PAPOLA: variants seen among roughly 807,000 people sequenced by gnomAD.
PAPOLA encodes the protein poly(A) polymerase alpha.
Under a neutral mutation model 100.6 loss-of-function variants are expected in PAPOLA, and 15 were observed. The observed-to-expected ratio is 0.15, with a 90% CI of 0.10 to 0.23. The LOEUF is 0.23. PAPOLA is among the 10% of genes least tolerant of loss of function. The pLI is 1.00. For synonymous variants in PAPOLA, 293 were observed against 300.0 expected (o/e 0.98, Z 0.24); for missense variants, 533 against 884.2 (o/e 0.60, Z 5.04).
At chr14:96,562,344 A>G (rs1901922948) in intron 20 of PAPOLA, 1 of 152,796 alleles carries the variant, frequency 6.5e-6, no homozygotes, top group Non-Finnish European at 1.5e-5. Context: ...AAGAGACCAT[A>G]AGGAGGGAGA....
chr14:96,519,971 A>G, intron 1 of PAPOLA, 84 bp from the exon 2 acceptor site: 1 of 1,140,168 alleles, frequency 8.8e-7, no homozygotes, highest in South Asian at 1.7e-5. Context: ...AATGTGTGTT[A>G]CTAAATTAGT....
chr14:96,504,395 G>T (rs565052354), intron 1 of PAPOLA: 7 of 152,328 alleles, frequency 4.6e-5, no homozygotes, highest in Non-Finnish European at 8.8e-5. Context: ...TCGCGAGTTA[G>T]TTCAAGTGTG....
intron 16 of PAPOLA, among the ~76,000 whole-genome samples, chr14:96,549,627 A>G (rs527798994): frequency 7.9e-5 from 12 of 152,246 alleles, no homozygotes; most frequent in Admixed American, 1.3e-4. Context: ...ACCATTCTCA[A>G]TGTACTATTT....
intron 3 of PAPOLA, among the ~76,000 whole-genome samples, chr14:96,522,093 G>C (rs1898021350): frequency 6.8e-6 from 1 of 146,286 alleles, no homozygotes; most frequent in African/African-American, 2.5e-5. Flanking sequence ...ATGAGCCACT[G>C]CATCTAGCCT....
intron 17 of PAPOLA, among the ~76,000 whole-genome samples, chr14:96,555,077 T>G (rs1335654744): frequency 2.0e-5 from 3 of 152,042 alleles, no homozygotes; most frequent in Non-Finnish European, 4.4e-5. Flanking sequence ...AGTAAGATAT[T>G]GAAATAATCC....
chr14:96,531,966 T>C (rs892473879), intron 7 of PAPOLA: 5 of 1,256,782 alleles, frequency 4.0e-6, no homozygotes, highest in Non-Finnish European at 5.0e-6. Flanking sequence ...TATATTAGCA[T>C]AGCTTGTTAC....
At chr14:96,532,150 T>C in intron 7 of PAPOLA, 181 bp from the exon 8 acceptor site, 13 of 1,380,754 alleles carry the variant, frequency 9.4e-6, no homozygotes, top group South Asian at 1.8e-5. Context: ...TTTCCCCCTC[T>C]TTATTGAATT....
At position 96,527,534 on chromosome 14, in the gene PAPOLA, T is replaced by C; in HGVS notation, c.436T>C (p.Leu146=). 6.6e-7 allele frequency: 1 copy of C among 1,517,922 alleles called. No individual in the cohort carries two copies. Among genetic ancestry groups the C allele is most frequent in the Non-Finnish European group, 9.2e-7 (1 of 1,092,728 alleles). The allele number at this position is 1,517,922 out of a possible 1,614,324, so 94.0% of individuals were successfully genotyped here. ...GAAATTACAGGAAGAAGTAAAAGAT[T>C]TAAGAGTGCGTAAATGTTCGGGGTG... ...KLKLQEEVKD[L]RAVEEAFVPV... is the part of the protein sequence containing the mutation. Residue 146 remains leucine (L), a synonymous_variant, in exon 5 of 22, where the codon TTA becomes CTA. Transcript: ENST00000216277.
chr14:96,512,836 G>T (rs140650757), intron 1 of PAPOLA, among the ~76,000 whole-genome samples: 1 of 152,124 alleles, frequency 6.6e-6, no homozygotes, highest in Admixed American at 6.5e-5. Context: ...TGTTAGTTCT[G>T]TGAGAAAGGT....
intron 1 of PAPOLA, chr14:96,504,217 TA>T (rs1202914890): frequency 2.0e-5 from 3 of 152,182 alleles, no homozygotes; most frequent in Non-Finnish European, 4.4e-5. Context: ...ATACCAGCAT[TA>T]AAAATGATAG....
At chr14:96,531,978 G>A in intron 7 of PAPOLA, 2 of 1,245,972 alleles carry the variant, frequency 1.6e-6, no homozygotes, top group Admixed American at 4.1e-5. Flanking sequence ...GCTTGTTACT[G>A]TGCTCTTGAA....
At chr14:96,502,745 G>C in intron 1 of PAPOLA, 145 bp downstream of exon 1, 1 of 820,506 alleles carries the variant, frequency 1.2e-6, no homozygotes, top group Non-Finnish European at 1.8e-6. Flanking sequence ...GGACCTTCCT[G>C]TTTCCTCGCT....
At chr14:96,528,562 A>G (rs908889698) in intron 6 of PAPOLA, among the ~76,000 whole-genome samples, 1 of 152,240 alleles carries the variant, frequency 6.6e-6, no homozygotes, top group Non-Finnish European at 1.5e-5. Flanking sequence ...GGAAAGTCAC[A>G]GATAATAAAG....
chr14:96,508,962 G>C (rs55747410), intron 1 of PAPOLA, among the ~76,000 whole-genome samples: 69,042 of 152,014 alleles, frequency 0.45, 16,608 homozygotes, highest in African/African-American at 0.61. Context: ...ATTCTGTGTT[G>C]CATTGTCATT....
intron 15 of PAPOLA, among the ~76,000 whole-genome samples, chr14:96,547,090 G>C (rs1900449394): frequency 6.6e-6 from 1 of 151,832 alleles, no homozygotes. Flanking sequence ...TTATTTTTTT[G>C]TGTTTATTCT....
chr14:96,522,143 A>C (rs1373583087), intron 3 of PAPOLA, among the ~76,000 whole-genome samples: 1 of 46,260 alleles, frequency 2.2e-5, no homozygotes, highest in South Asian at 7.2e-4. Flanking sequence ...TTTTTTTTTG[A>C]GACAGTCTTG....
At chr14:96,540,300 A>G (rs889545122) in intron 12 of PAPOLA, among the ~76,000 whole-genome samples, 2 of 152,122 alleles carry the variant, frequency 1.3e-5, no homozygotes, top group African/African-American at 4.8e-5. Flanking sequence ...CTGCCCTTAG[A>G]TGGACCCAGA....
intron 1 of PAPOLA, among the ~76,000 whole-genome samples, chr14:96,507,382 G>A (rs1164552096): frequency 1.4e-5 from 2 of 146,440 alleles, no homozygotes; most frequent in African/African-American, 5.2e-5. Context: ...CCGTCTTCCG[G>A]GTTCACGCCA....
chr14:96,565,289 C>A lies in PAPOLA; in HGVS notation c.*239C>A. The stretch of plus-strand genomic sequence containing the variant: ...GCATTAACTATTTCAAAAATTACTG[C>A]CTTTAAAAAAAACAACCTCAAGCTA... On this transcript the variant is annotated 3_prime_UTR_variant, in exon 22 of 22. Coordinates refer to ENST00000216277, the MANE Select transcript of PAPOLA (RefSeq NM_032632.5). The A allele has an allele frequency of 2.5e-6, 1 of 398,130 alleles. No individual in the cohort carries two copies. 24.7% of individuals were successfully genotyped at this position (398,130 alleles called of 1,614,324 possible).
Sources: gnomAD v4.1 joint callset for allele counts (sites outside exome capture counted in the v4.1 genomes callset) on GRCh38, gnomAD v4.1.1 for gene constraint, MANE v1.5 for transcripts, NCBI Gene and HGNC (gene_info 2026-07-23, HGNC 2026-07-21) for gene names.